INTS1: variants seen among roughly 807,000 people sequenced by gnomAD.
The protein encoded by INTS1 is integrator complex subunit 1.
A neutral mutation model predicts 241.6 loss-of-function variants in INTS1; 137 were observed. That is an observed-to-expected ratio of 0.57 (90% CI 0.49 to 0.65). INTS1 has a LOEUF of 0.65. Among genes scored for constraint, INTS1 ranks in the 30% least tolerant of loss-of-function variants. The pLI is 0.00. For missense variants in INTS1, 3,073 were observed against 3,032.2 expected (o/e 1.01, Z -0.32); for synonymous variants, 1,692 against 1,337.8 (o/e 1.26, Z -5.78).
Position 1,478,394 on chromosome 7 carries a change from G to A in INTS1, c.4602C>T (p.Cys1534=). The part of the protein sequence containing the change: ...VIATLRSGEQ[C]SVEPDLISKV... ...TGCTGATCAGGTCCGGCTCCACGCT[G>A]CACTGCTCCCCAGACCTCAGGGTGG... The change falls in exon 33 of 48, where the codon TGC becomes TGT. Residue 1534 remains cysteine (C), a synonymous_variant. Coordinates refer to ENST00000404767, the MANE Select transcript of INTS1 (RefSeq NM_001080453.3). The A allele has an allele frequency of 6.2e-7, 1 of 1,612,740 alleles. No individual in the cohort carries two copies. Among genetic ancestry groups the A allele is most frequent in the Non-Finnish European group, 8.5e-7 (1 of 1,179,804 alleles).
intron 24 of INTS1, 81 bp downstream of exon 24, chr7:1,485,017 C>T (rs1782185609): frequency 1.7e-6 from 1 of 596,208 alleles, no homozygotes; most frequent in East Asian, 2.8e-5. Context: ...CGGCTGGCCC[C>T]GTCCCCTCCC....
chr7:1,470,994 G>C, intron 46 of INTS1, 39 bp from the exon 47 acceptor site: 1 of 1,530,962 alleles, frequency 6.5e-7, no homozygotes, highest in Non-Finnish European at 8.8e-7. Flanking sequence ...CCTCCACCCT[G>C]TGCCCACGCC....
intron 16 of INTS1, among the ~76,000 whole-genome samples, chr7:1,492,548 C>T (rs1583142577): frequency 2.0e-5 from 3 of 152,294 alleles, no homozygotes; most frequent in East Asian, 3.9e-4. Flanking sequence ...ATTCTGAAAA[C>T]ATGGAATTGC....
In INTS1 at chr7:1,485,212, A is replaced by T; in HGVS notation, c.3157-10T>A. 2 of 1,599,482 alleles carry T rather than the reference A, an allele frequency of 1.3e-6. No individual in the cohort carries two copies. Among genetic ancestry groups the T allele is most frequent in the South Asian group, 1.1e-5 (1 of 90,920 alleles). ...TCTCCATGTGGATTGCCTGGAGGGG[A>T]GGGTGGTCTGAGCGGCAACAGGGCA... On this transcript the variant is annotated splice_polypyrimidine_tract_variant and intron_variant, in intron 23 of 47. Coordinates refer to ENST00000404767, the MANE Select transcript of INTS1 (RefSeq NM_001080453.3).
intron 45 of INTS1, 104 bp from the exon 46 acceptor site, chr7:1,471,328 C>T: frequency 1.6e-6 from 2 of 1,215,884 alleles, no homozygotes; most frequent in Middle Eastern, 2.0e-4. Context: ...GGCAGGGACC[C>T]TAGGCCCCTA....
chr7:1,475,650 C>T (rs944502190), intron 39 of INTS1, among the ~76,000 whole-genome samples: 31 of 152,208 alleles, frequency 2.0e-4, no homozygotes, highest in Non-Finnish European at 3.5e-4. Flanking sequence ...CCAAACTGAA[C>T]GTGACCCCAC....
chr7:1,499,084 A>G lies in INTS1; in HGVS notation c.1028T>C (p.Ile343Thr). 6.2e-7 allele frequency: 1 copy of G among 1,609,712 alleles called. No homozygotes were observed. Among genetic ancestry groups the G allele is most frequent in the Non-Finnish European group, 8.5e-7 (1 of 1,179,144 alleles). Residue 343 changes from isoleucine (I) to threonine (T), a missense_variant, in exon 8 of 48, where the codon ATC (isoleucine) becomes ACC (threonine). Ile to Thr is a moderately conservative substitution (Grantham distance 89, BLOSUM62 -1). Coordinates refer to ENST00000404767, the MANE Select transcript of INTS1 (RefSeq NM_001080453.3). ...LRDQLNRRQP[I>T]DNVSRNLLRL... ...CAGGAGGTTCCTGGAGACGTTGTCGATGGGCTGGCGCCGGTTCAGCTGGTC... is the reference window on the plus strand; with the variant it reads ...CAGGAGGTTCCTGGAGACGTTGTCGGTGGGCTGGCGCCGGTTCAGCTGGTC...
Position 1,504,337 on chromosome 7 carries a change from G to C in INTS1, c.-56C>G. The C allele has an allele frequency of 5.8e-6, 3 of 518,790 alleles. No homozygotes were observed. The highest frequency in any genetic ancestry group is 5.3e-5 in the East Asian group (1 of 18,706). The allele number at this position is 518,790 out of a possible 1,614,324, so 32.1% of individuals were successfully genotyped here. A position where few individuals can be genotyped will look rare whatever the true frequency, so the allele number is the denominator to read the frequency against. Reference sequence around the variant, plus strand: ...GGCTCACTTACCTCTGGCCCATCGCGACCGGAGCGCCGCCGCCGCCACCCG... The same window carrying C: ...GGCTCACTTACCTCTGGCCCATCGCCACCGGAGCGCCGCCGCCGCCACCCG... On this transcript the variant is annotated 5_prime_UTR_variant, in exon 1 of 48. Coordinates refer to ENST00000404767, the MANE Select transcript of INTS1 (RefSeq NM_001080453.3).
chr7:1,499,160 A>G lies in INTS1; in HGVS notation c.952T>C (p.Tyr318His), dbSNP rs777505446. 7 of 1,608,316 alleles carry G rather than the reference A, an allele frequency of 4.4e-6. No homozygotes were observed. Among genetic ancestry groups the G allele is most frequent in the Non-Finnish European group, 5.1e-6 (6 of 1,177,550 alleles). ...PEQEGQLMPR[Y>H]EELAESVEEY... Reference sequence around the variant, plus strand: ...TCCACGCTCTCCGCGAGCTCTTCGTACCTAGGCCAGAGGAGGGAGCGAGGA... The same window carrying G: ...TCCACGCTCTCCGCGAGCTCTTCGTGCCTAGGCCAGAGGAGGGAGCGAGGA... The change falls in exon 8 of 48, where the codon TAC (tyrosine) becomes CAC (histidine). Residue 318 changes from tyrosine to histidine, a missense_variant and splice_region_variant. Transcript: ENST00000404767.
rs1309320095 is a variant in INTS1 at position 1,493,676 on chromosome 7, T to C, written c.2068+78A>G. On this transcript the variant is annotated intron_variant, in intron 15 of 47. Transcript: ENST00000404767. This position sits in a 1 kb window ranked among gnomAD's most constrained non-coding sequence, Gnocchi z 5.3. ...GCAGCTTTGTGGAGCGCCCCAGAGG[T>C]GCGTGCCAGAGCCGGGGTTTCTGCA... The C allele has an allele frequency of 1.5e-5, 22 of 1,481,146 alleles. No homozygotes were observed. The highest frequency in any genetic ancestry group is 1.8e-5 in the Non-Finnish European group (20 of 1,109,168). 91.8% of individuals were successfully genotyped at this position (1,481,146 alleles called of 1,614,324 possible).
intron 32 of INTS1, 108 bp from the exon 33 acceptor site, chr7:1,478,614 A>T: frequency 6.7e-7 from 1 of 1,492,488 alleles, no homozygotes; most frequent in Non-Finnish European, 9.0e-7. Flanking sequence ...CCACGCGGGT[A>T]CCCACCCCCC....
chr7:1,476,173 C>T (rs1448766095), intron 38 of INTS1, 56 bp downstream of exon 38: 3 of 1,527,746 alleles, frequency 2.0e-6, no homozygotes, highest in Admixed American at 2.0e-5. Context: ...GGCTGGGCCT[C>T]GACCCCCTCC....
Position 1,473,107 on chromosome 7 carries a change from T to C in INTS1, c.6035A>G (p.Asp2012Gly), listed in dbSNP as rs758970174. 9.9e-6 allele frequency: 16 copies of C among 1,611,556 alleles called. No individual in the cohort carries two copies. The part of the protein sequence containing the change: ...LAGLSLPSRD[D>G]RTDRGLDEEG... ...TTCGTCCAGGCCTCGGTCGGTCCTGTCGTCCCTGCTGGGCAGGCTGAGCCC... is the reference window on the plus strand; with the variant it reads ...TTCGTCCAGGCCTCGGTCGGTCCTGCCGTCCCTGCTGGGCAGGCTGAGCCC... The change falls in exon 43 of 48, where the codon GAC (aspartate) becomes GGC (glycine). Residue 2012 changes from aspartate (D) to glycine (G), a missense_variant. By Grantham distance (94) the Asp-to-Gly change is moderately conservative. Coordinates refer to ENST00000404767, the MANE Select transcript of INTS1 (RefSeq NM_001080453.3).
chr7:1,498,328 C>A, intron 10 of INTS1, 84 bp downstream of exon 10: 1 of 1,545,266 alleles, frequency 6.5e-7, no homozygotes. Context: ...GCCAATCCAC[C>A]GGCCTCCCCA....
At chr7:1,498,166 T>C (rs1027748757) in intron 10 of INTS1, among the ~76,000 whole-genome samples, 1 of 152,222 alleles carries the variant, frequency 6.6e-6, no homozygotes, top group Non-Finnish European at 1.5e-5. Flanking sequence ...TAAGACTCAA[T>C]GTGGCTCCCT....
At chr7:1,475,061 G>GA (rs1295129093) in intron 39 of INTS1, among the ~76,000 whole-genome samples, 1 of 152,224 alleles carries the variant, frequency 6.6e-6, no homozygotes, top group Non-Finnish European at 1.5e-5. Flanking sequence ...CACACCAAAT[G>GA]ATACAATGAG....
At position 1,499,459 on chromosome 7, in the gene INTS1, G is replaced by A. The variant is rs746370374; in HGVS notation, c.844+14C>T. 1 of 1,584,630 alleles carries A rather than the reference G, an allele frequency of 6.3e-7. No individual in the cohort carries two copies. The stretch of plus-strand genomic sequence containing the variant: ...CTTGGACACCCGCCCTCTCTGGCTG[G>A]CCGTGTGTCTCACCTGCACCCAGGT... On this transcript the variant is annotated intron_variant, in intron 6 of 47. Transcript: ENST00000404767.
intron 33 of INTS1, 52 bp from the exon 34 acceptor site, chr7:1,477,988 C>T (rs1027918085): frequency 4.0e-6 from 6 of 1,518,806 alleles, no homozygotes; most frequent in South Asian, 2.3e-5. Flanking sequence ...GGGTGGGGGC[C>T]GCTGAGTGGG....
rs958318160 is a variant in INTS1 at position 1,482,848 on chromosome 7, T to C, written c.3542-141A>G. 2.9e-5 allele frequency: 28 copies of C among 954,534 alleles called. No individual in the cohort carries two copies. The African/African-American group carries it at 3.3e-4, about 11-fold the overall frequency. The allele number at this position is 954,534 out of a possible 1,614,324, so 59.1% of individuals were successfully genotyped here. ...AGGAGCACGGGGCTCCTGTGCTAGG[T>C]GAGCACTTGCTATGTGCGGATGCTT... On this transcript the variant is annotated intron_variant, in intron 26 of 47. Coordinates refer to ENST00000404767, the MANE Select transcript of INTS1 (RefSeq NM_001080453.3).
Sources: gnomAD v4.1 joint callset for allele counts (sites outside exome capture counted in the v4.1 genomes callset) on GRCh38, gnomAD v4.1.1 for gene constraint, Gnocchi (gnomAD v3.1) non-coding constraint, MANE v1.5 for transcripts, NCBI Gene and HGNC (gene_info 2026-07-23, HGNC 2026-07-21) for gene names.